Variants in AUTS2 observed in about 807,000 individuals in gnomAD.
The protein encoded by AUTS2 is autism susceptibility gene 2 protein.
A neutral mutation model predicts 112.4 loss-of-function variants in AUTS2; 17 were observed. The ratio of observed to expected loss-of-function variants is 0.15; its 90% CI spans 0.10 to 0.23. The LOEUF (loss-of-function observed/expected upper bound fraction) is 0.23. AUTS2 is among the 10% of genes least tolerant of loss of function. AUTS2 has a pLI of 1.00. For synonymous variants in AUTS2, 751 were observed against 702.7 expected, an observed-to-expected ratio of 1.07 and a Z score of -1.09; for missense variants, 1,510 against 1,701.6, an observed-to-expected ratio of 0.89 and a Z score of 1.98.
chr7:69,670,456 T>G (rs878964931), intron 1 of AUTS2, among the ~76,000 whole-genome samples: 1 of 150,248 alleles, frequency 6.7e-6, no homozygotes, highest in Admixed American at 6.7e-5. Context: ...GAAAAGTGCA[T>G]TCACCCATCC....
chr7:70,760,102 T>C (rs1341179232), intron 6 of AUTS2, among the ~76,000 whole-genome samples: 1 of 151,846 alleles, frequency 6.6e-6, no homozygotes, highest in Non-Finnish European at 1.5e-5. Context: ...GCCTCCCAGG[T>C]TCACGCCATT....
chr7:70,561,227 C>T (rs1335565652), intron 5 of AUTS2, among the ~76,000 whole-genome samples: 5 of 152,150 alleles, frequency 3.3e-5, no homozygotes, highest in South Asian at 4.1e-4. Context: ...AGAACTGAAC[C>T]CCTCATCTCA....
chr7:70,181,773 G>A (rs957707142), intron 4 of AUTS2, among the ~76,000 whole-genome samples: 1 of 149,220 alleles, frequency 6.7e-6, no homozygotes, highest in African/African-American at 2.5e-5. Context: ...ACAGGCGTGA[G>A]CCACCAAGCC....
At chr7:70,571,272 C>A (rs2129525379) in intron 5 of AUTS2, among the ~76,000 whole-genome samples, 1 of 152,148 alleles carries the variant, frequency 6.6e-6, no homozygotes, top group South Asian at 2.1e-4. Context: ...GATTTTCTTG[C>A]CTATAAAGTG....
chr7:69,700,965 A>C (rs139570085), intron 1 of AUTS2, among the ~76,000 whole-genome samples: 2 of 152,202 alleles, frequency 1.3e-5, no homozygotes, highest in African/African-American at 4.8e-5. Context: ...CATGCCTTGA[A>C]GCTTTGTGTC....
At chr7:70,599,946 C>T (rs1803390091) in intron 5 of AUTS2, among the ~76,000 whole-genome samples, 2 of 152,200 alleles carry the variant, frequency 1.3e-5, no homozygotes. Context: ...AAGCTCTATT[C>T]TGGGTCACTG....
rs577779062 is a variant in AUTS2, at chr7:69,743,615, TTA to T, written c.309+143655_309+143656del. Among the ~76,000 whole-genome samples the T allele has an allele frequency of 3.2e-3, 491 of 152,336 alleles. 3 individuals are homozygous for T. Among genetic ancestry groups the T allele is most frequent in the African/African-American group, 0.011 (463 of 41,584 alleles). On this transcript the variant is annotated intron_variant, in intron 1 of 18. Coordinates refer to ENST00000342771, the MANE Select transcript of AUTS2 (RefSeq NM_015570.4). ...TATTTCTGTCACCGTAAAAATTCCC[TTA>T]TCTCTTTCCCAGTCAGTCTGTCATT...
chr7:70,419,745 T>C lies in AUTS2; in HGVS notation c.661-16007T>C, dbSNP rs532798610. 3.3e-5 allele frequency among the ~76,000 whole-genome samples: 5 copies of C among 152,326 alleles called. No homozygotes were observed. The East Asian group carries it at 9.6e-4, about 29-fold the overall frequency. On this transcript the variant is annotated intron_variant, in intron 4 of 18. Transcript: ENST00000342771. Reference sequence around the variant, plus strand: ...TGACATTCCTCCAGAAGTATATGAGTGTCTGCCTCACGACAGCCTTGCCAA... The same window carrying C: ...TGACATTCCTCCAGAAGTATATGAGCGTCTGCCTCACGACAGCCTTGCCAA...
rs1806491137 is a variant in AUTS2, at chr7:70,651,245, A to G, written c.691-47324A>G. Among the ~76,000 whole-genome samples, 3 of 152,230 alleles carry G rather than the reference A, an allele frequency of 2.0e-5. No homozygotes were observed. The South Asian group carries it at 6.2e-4, about 31-fold the overall frequency. ...AGTTAAATAAGGTACCCAGTGCCCT[A>G]GAGTTAGTAAATGGTAAAGCTGGAC... On this transcript the variant is annotated intron_variant, in intron 5 of 18. Transcript: ENST00000342771.
intron 4 of AUTS2, among the ~76,000 whole-genome samples, chr7:70,272,741 G>A (rs1240519397): frequency 2.0e-5 from 3 of 151,802 alleles, no homozygotes; most frequent in Non-Finnish European, 4.4e-5. Flanking sequence ...TTTTTTGTTT[G>A]TTTGTTTGTT....
At chr7:70,737,478 G>T (rs1787841427) in intron 6 of AUTS2, among the ~76,000 whole-genome samples, 2 of 152,216 alleles carry the variant, frequency 1.3e-5, no homozygotes, top group South Asian at 4.1e-4. Context: ...GTGCAAGATA[G>T]AAATATCTTA....
At chr7:70,261,399 G>A (rs1247785306) in intron 4 of AUTS2, among the ~76,000 whole-genome samples, 1 of 152,184 alleles carries the variant, frequency 6.6e-6, no homozygotes, top group Non-Finnish European at 1.5e-5. Flanking sequence ...TGATTGTGGT[G>A]GCAGTTATAT....
intron 2 of AUTS2, among the ~76,000 whole-genome samples, chr7:69,940,401 A>T (rs1796581293): frequency 6.6e-6 from 1 of 152,204 alleles, no homozygotes; most frequent in African/African-American, 2.4e-5. Flanking sequence ...GTGAGGGCTC[A>T]TGGACAAAAC....
At chr7:70,168,557 C>T (rs1221206779) in intron 4 of AUTS2, among the ~76,000 whole-genome samples, 2 of 152,114 alleles carry the variant, frequency 1.3e-5, no homozygotes, top group Non-Finnish European at 2.9e-5. Flanking sequence ...CCTGAGGTGA[C>T]CTGCCCGCCT....
At chr7:70,061,332 C>T (rs1169982477) in intron 2 of AUTS2, among the ~76,000 whole-genome samples, 1 of 152,166 alleles carries the variant, frequency 6.6e-6, no homozygotes, top group African/African-American at 2.4e-5. Context: ...AAGAGGAAAA[C>T]AGCCGCATTC....
At chr7:70,224,440 A>G (rs1173728010) in intron 4 of AUTS2, among the ~76,000 whole-genome samples, 1 of 152,224 alleles carries the variant, frequency 6.6e-6, no homozygotes, top group Admixed American at 6.5e-5. Flanking sequence ...AAGAAAGGTT[A>G]TAGAATATGG....
intron 2 of AUTS2, among the ~76,000 whole-genome samples, chr7:69,967,476 G>A (rs1024281269): frequency 6.6e-6 from 1 of 152,078 alleles, no homozygotes; most frequent in African/African-American, 2.4e-5. Flanking sequence ...AGGCAGTCCT[G>A]GAGTGCAGTT....
intron 5 of AUTS2, among the ~76,000 whole-genome samples, chr7:70,472,781 C>T (rs1797441608): frequency 6.6e-6 from 1 of 152,218 alleles, no homozygotes; most frequent in African/African-American, 2.4e-5. Flanking sequence ...TCTTACCACT[C>T]TGTCATCTCT....
intron 1 of AUTS2, among the ~76,000 whole-genome samples, chr7:69,671,782 T>C (rs1407531084): frequency 6.6e-6 from 1 of 152,140 alleles, no homozygotes; most frequent in East Asian, 1.9e-4. Context: ...TTTTAAGATA[T>C]TTTTGTCCTA....
Sources: gnomAD v4.1 joint callset for allele counts (sites outside exome capture counted in the v4.1 genomes callset) on GRCh38, gnomAD v4.1.1 for gene constraint, MANE v1.5 for transcripts, NCBI Gene and HGNC (gene_info 2026-07-23, HGNC 2026-07-21) for gene names.